Variants in KIAA0232 observed in about 807,000 individuals in gnomAD.
KIAA0232 encodes KIAA0232.
In KIAA0232, 27 loss-of-function variants were observed where a neutral mutation model predicts 122.0. The ratio of observed to expected loss-of-function variants is 0.22; its 90% CI spans 0.16 to 0.31. The LOEUF is 0.31. Ranked by LOEUF, KIAA0232 falls within the 10% of genes least tolerant of loss-of-function variation. The pLI is 1.00. For synonymous variants in KIAA0232, 613 were observed against 587.6 expected, an observed-to-expected ratio of 1.04 and a Z score of -0.63; for missense variants, 1,551 against 1,634.2, an observed-to-expected ratio of 0.95 and a Z score of 0.88.
chr4:6,821,463 A>T (rs964557784), intron 2 of KIAA0232, among the ~76,000 whole-genome samples: 1 of 152,052 alleles, frequency 6.6e-6, no homozygotes, highest in Non-Finnish European at 1.5e-5. Flanking sequence ...TGTGAGTGAA[A>T]ACATACAGTG....
At chr4:6,872,586 C>G (rs191971302) in intron 8 of KIAA0232, among the ~76,000 whole-genome samples, 4 of 152,356 alleles carry the variant, frequency 2.6e-5, no homozygotes, top group Admixed American at 2.0e-4. Context: ...AATTGATTAG[C>G]TCAAGAAGTT....
intron 3 of KIAA0232, among the ~76,000 whole-genome samples, chr4:6,837,040 A>G (rs1227694023): frequency 2.6e-5 from 4 of 152,120 alleles, no homozygotes; most frequent in East Asian, 1.9e-4. Context: ...ATCATGGCCC[A>G]TTCTCCATGA....
intron 2 of KIAA0232, among the ~76,000 whole-genome samples, chr4:6,815,001 G>T (rs1718053234): frequency 6.6e-6 from 1 of 151,852 alleles, no homozygotes; most frequent in Non-Finnish European, 1.5e-5. Context: ...TGATTTGAAG[G>T]TCCTTTTCTC....
chr4:6,847,494 T>C (rs560125660), intron 4 of KIAA0232, among the ~76,000 whole-genome samples: 3 of 152,358 alleles, frequency 2.0e-5, no homozygotes. Flanking sequence ...AAAATTTGGC[T>C]GTCCCTGTGT....
chr4:6,806,606 C>T (rs1433646096), intron 2 of KIAA0232, among the ~76,000 whole-genome samples: 1 of 151,416 alleles, frequency 6.6e-6, no homozygotes, highest in Non-Finnish European at 1.5e-5. Context: ...TGGTGGTGGG[C>T]GTCTATAATC....
At chr4:6,791,348 CAG>C (rs1252271371) in intron 1 of KIAA0232, among the ~76,000 whole-genome samples, 1 of 78,106 alleles carries the variant, frequency 1.3e-5, no homozygotes, top group Admixed American at 2.1e-4. Flanking sequence ...TTTTTTGAGA[CAG>C]GGTCTCATTC....
At chr4:6,822,184 T>G (rs1024133124) in intron 2 of KIAA0232, among the ~76,000 whole-genome samples, 4 of 152,174 alleles carry the variant, frequency 2.6e-5, no homozygotes, top group South Asian at 2.1e-4. Flanking sequence ...GTTTTGAAAG[T>G]CAGTTGGAAA....
intron 5 of KIAA0232, 61 bp from the exon 6 acceptor site, chr4:6,858,364 T>A: frequency 1.0e-6 from 1 of 981,410 alleles, no homozygotes. Flanking sequence ...AACTTTGAAA[T>A]ACATTAGCAT....
intron 3 of KIAA0232, among the ~76,000 whole-genome samples, chr4:6,833,199 C>T (rs1719086793): frequency 6.6e-6 from 1 of 152,222 alleles, no homozygotes; most frequent in Non-Finnish European, 1.5e-5. Flanking sequence ...GTGTGTGTCA[C>T]TGCATACACT....
intron 3 of KIAA0232, among the ~76,000 whole-genome samples, chr4:6,831,684 GAA>G (rs1718989958): frequency 4.6e-5 from 7 of 152,120 alleles, no homozygotes; most frequent in Admixed American, 4.6e-4. Flanking sequence ...TGGCAACCCA[GAA>G]GCCCCCCTCG....
At chr4:6,785,489 A>G (rs1415506575) in intron 1 of KIAA0232, among the ~76,000 whole-genome samples, 1 of 152,220 alleles carries the variant, frequency 6.6e-6, no homozygotes, top group Non-Finnish European at 1.5e-5. Context: ...TTCACAGAAT[A>G]GTTGGGATGA....
chr4:6,850,744 C>T (rs1720234059), intron 4 of KIAA0232, among the ~76,000 whole-genome samples: 1 of 151,656 alleles, frequency 6.6e-6, no homozygotes, highest in South Asian at 2.1e-4. Context: ...TCAGTCAGCT[C>T]ACTGCAGCCT....
At chr4:6,786,567 C>A (rs1172163047) in intron 1 of KIAA0232, among the ~76,000 whole-genome samples, 1 of 152,186 alleles carries the variant, frequency 6.6e-6, no homozygotes, top group East Asian at 1.9e-4. Flanking sequence ...CTCAACCTCC[C>A]AAAGTGCTGG....
intron 3 of KIAA0232, among the ~76,000 whole-genome samples, chr4:6,840,506 T>C (rs1719588486): frequency 6.6e-6 from 1 of 152,150 alleles, no homozygotes; most frequent in Non-Finnish European, 1.5e-5. Context: ...CCAATCTCCC[T>C]TTTGATAAAG....
chr4:6,786,477 A>G (rs1716622609), intron 1 of KIAA0232, among the ~76,000 whole-genome samples: 1 of 151,904 alleles, frequency 6.6e-6, no homozygotes, highest in Admixed American at 6.6e-5. Flanking sequence ...TAATTAAAAC[A>G]ATTTGTTTTT....
chr4:6,880,829 T>C lies in KIAA0232; in HGVS notation c.4051T>C (p.Ser1351Pro). Residue 1351 changes from serine to proline, a missense_variant, in exon 10 of 10, where the codon TCT (serine) becomes CCT (proline). Transcript: ENST00000307659. ...YEARCTGERD[S>P]GAKSDGFRGK... is the part of the protein sequence containing the mutation. ...AGCAAGATGTACAGGAGAGAGAGAT[T>C]CTGGAGCAAAGTCAGATGGCTTCCG... 6.2e-7 allele frequency: 1 copy of C among 1,601,712 alleles called. No homozygotes were observed. Among genetic ancestry groups the C allele is most frequent in the Non-Finnish European group, 8.5e-7 (1 of 1,172,862 alleles).
intron 4 of KIAA0232, among the ~76,000 whole-genome samples, chr4:6,847,199 A>G (rs1395138296): frequency 1.3e-5 from 2 of 152,180 alleles, no homozygotes; most frequent in African/African-American, 2.4e-5. Context: ...ACATGTGACC[A>G]TGCGTGTATG....
chr4:6,821,380 CT>C lies in KIAA0232; in HGVS notation c.-269-2802del, dbSNP rs954531483. ...TTTTATCTCTTACCCGTCTCCCACCCTTTCCCCCTGAATTTCCAAAGTCCAC... is the reference window on the plus strand; with the variant it reads ...TTTTATCTCTTACCCGTCTCCCACCCTTCCCCCTGAATTTCCAAAGTCCAC... On this transcript the variant is annotated intron_variant, in intron 2 of 9. Transcript: ENST00000307659. Among the ~76,000 whole-genome samples the C allele has an allele frequency of 6.6e-5, 10 of 152,100 alleles. 1 individual carries two copies. Among genetic ancestry groups the C allele is most frequent in the Admixed American group, 5.2e-4 (8 of 15,266 alleles).
chr4:6,817,906 A>T (rs984309705), intron 2 of KIAA0232, among the ~76,000 whole-genome samples: 6 of 152,114 alleles, frequency 3.9e-5, no homozygotes, highest in African/African-American at 1.4e-4. Flanking sequence ...CTATCCCTTT[A>T]TCATTATGAA....
Sources: gnomAD v4.1 joint callset for allele counts (sites outside exome capture counted in the v4.1 genomes callset) on GRCh38, gnomAD v4.1.1 for gene constraint, MANE v1.5 for transcripts, NCBI Gene and HGNC (gene_info 2026-07-23, HGNC 2026-07-21) for gene names.